Variants in IQSEC1 observed in about 807,000 individuals in gnomAD.
IQSEC1 encodes the protein IQ motif and SEC7 domain-containing protein 1.
IQSEC1 carries 31 observed loss-of-function variants against 91.0 expected under a neutral mutation model. The ratio of observed to expected loss-of-function variants is 0.34; its 90% CI spans 0.26 to 0.46. The LOEUF (loss-of-function observed/expected upper bound fraction) is 0.46, where lower values mean the gene tolerates loss of function less well. IQSEC1 is among the 20% of genes least tolerant of loss of function. The pLI is 1.00. For missense variants in IQSEC1, 1,388 were observed against 1,575.6 expected (o/e 0.88, Z 2.02); for synonymous variants, 699 against 662.6 (o/e 1.05, Z -0.84).
chr3:12,966,813 A>G (rs1700601713), intron 1 of IQSEC1, among the ~76,000 whole-genome samples: 1 of 152,184 alleles, frequency 6.6e-6, no homozygotes, highest in Admixed American at 6.5e-5. Context: ...CTGTTTGTTC[A>G]GGGTCATCCA....
intron 1 of IQSEC1, among the ~76,000 whole-genome samples, chr3:13,194,333 G>A (rs572471619): frequency 8.5e-5 from 13 of 152,242 alleles, no homozygotes; most frequent in East Asian, 1.9e-4. Flanking sequence ...GTTTATTCCC[G>A]TGTTTCTTGA....
At chr3:13,269,130 G>A (rs982594822) in intron 1 of IQSEC1, among the ~76,000 whole-genome samples, 6 of 152,190 alleles carry the variant, frequency 3.9e-5, no homozygotes, top group African/African-American at 1.2e-4. Context: ...GCAGTGCAGG[G>A]GGTTGGGGTA....
chr3:13,131,165 C>T (rs1300267401), intron 2 of IQSEC1, among the ~76,000 whole-genome samples: 2 of 152,126 alleles, frequency 1.3e-5, no homozygotes, highest in Admixed American at 1.3e-4. Flanking sequence ...TGTGTTCTAA[C>T]TTTAGGACTG....
intron 1 of IQSEC1, among the ~76,000 whole-genome samples, chr3:12,964,849 A>T (rs899610851): frequency 2.6e-5 from 4 of 152,208 alleles, no homozygotes; most frequent in Admixed American, 2.0e-4. Flanking sequence ...GCACACACAC[A>T]TATACTGAGC....
At chr3:13,052,381 C>A (rs1704722822) in intron 1 of IQSEC1, among the ~76,000 whole-genome samples, 1 of 152,256 alleles carries the variant, frequency 6.6e-6, no homozygotes, top group Non-Finnish European at 1.5e-5. Flanking sequence ...GGAGGGTCCG[C>A]TCTGCCTCTC....
intron 1 of IQSEC1, among the ~76,000 whole-genome samples, chr3:12,971,647 T>G (rs1224058207): frequency 1.3e-5 from 2 of 152,228 alleles, no homozygotes; most frequent in African/African-American, 4.8e-5. Flanking sequence ...TGTATAATCA[T>G]AGATTACTTC....
At chr3:13,111,760 C>T (rs190433858) in intron 2 of IQSEC1, among the ~76,000 whole-genome samples, 26 of 152,254 alleles carry the variant, frequency 1.7e-4, no homozygotes, top group East Asian at 1.5e-3. Context: ...GAGGACACAG[C>T]GAGAAGGCAG....
rs1311328953 is a variant in IQSEC1, at chr3:13,026,871, T to G, written c.23+46121A>C. Among the ~76,000 whole-genome samples, 6 of 51,698 alleles carry G rather than the reference T, an allele frequency of 1.2e-4. 1 individual carries two copies. The highest frequency in any genetic ancestry group is 2.6e-4 in the African/African-American group (6 of 22,872). 33.9% of individuals were successfully genotyped at this position (51,698 alleles called of 152,430 possible). A position where few individuals can be genotyped will look rare whatever the true frequency, so the allele number is the denominator to read the frequency against. On this transcript the variant is annotated intron_variant, in intron 1 of 13. Transcript: ENST00000613206. ...GCAGTTATTATCTCCCCAGTTTTTT[T>G]TTTTTTTGTTTGTTTTTTTTTTTAC...
intron 1 of IQSEC1, among the ~76,000 whole-genome samples, chr3:12,950,306 GC>G (rs1699456662): frequency 6.6e-6 from 1 of 152,174 alleles, no homozygotes; most frequent in African/African-American, 2.4e-5. Context: ...AGTTAGCCTG[GC>G]CCCAAGGAGC....
rs764036530 is a variant in IQSEC1, at chr3:12,983,055, G to A, written c.24-41190C>T. 9.2e-5 allele frequency among the ~76,000 whole-genome samples: 14 copies of A among 152,176 alleles called. No individual in the cohort carries two copies. Among genetic ancestry groups the A allele is most frequent in the Non-Finnish European group, 1.8e-4 (12 of 68,026 alleles). ...GCTTGTGCGTGGGATGGAGGGTGAG[G>A]AGTGCTATTGCTCACTGGGGGCTCC... On this transcript the variant is annotated intron_variant, in intron 1 of 13. Transcript: ENST00000613206. The surrounding 1 kb of genome is among the most constrained non-coding windows in gnomAD (Gnocchi z 4.3).
intron 1 of IQSEC1, among the ~76,000 whole-genome samples, chr3:13,257,383 C>T (rs1022229425): frequency 6.6e-6 from 1 of 152,238 alleles, no homozygotes; most frequent in Non-Finnish European, 1.5e-5. Flanking sequence ...TCTCAGCCCA[C>T]ACTGAACCCC....
intron 1 of IQSEC1, among the ~76,000 whole-genome samples, chr3:12,993,071 G>GC (rs1304040576): frequency 1.3e-5 from 2 of 152,134 alleles, no homozygotes; most frequent in Non-Finnish European, 2.9e-5. Context: ...TCCAACAACA[G>GC]CCCCCATTAC....
chr3:13,233,565 G>C (rs929271712), intron 1 of IQSEC1, among the ~76,000 whole-genome samples: 1 of 152,174 alleles, frequency 6.6e-6, no homozygotes, highest in East Asian at 1.9e-4. Context: ...AGCCTCAAGG[G>C]GTTGGTCCCG....
At chr3:12,952,554 G>A (rs1301233364) in intron 1 of IQSEC1, among the ~76,000 whole-genome samples, 1 of 152,058 alleles carries the variant, frequency 6.6e-6, no homozygotes, top group African/African-American at 2.4e-5. Context: ...CTGAGGTCCT[G>A]TGAAAACACA....
chr3:12,999,454 A>G (rs1012593880), intron 1 of IQSEC1, among the ~76,000 whole-genome samples: 1 of 152,124 alleles, frequency 6.6e-6, no homozygotes, highest in Non-Finnish European at 1.5e-5. Context: ...CTCTTAGTTC[A>G]TATTTCCTCT....
intron 1 of IQSEC1, among the ~76,000 whole-genome samples, chr3:13,223,358 C>T (rs930781379): frequency 6.6e-6 from 1 of 152,188 alleles, no homozygotes; most frequent in Non-Finnish European, 1.5e-5. Flanking sequence ...GGGAGGTCCC[C>T]GGGTCTCTGC....
At chr3:12,962,053 A>C (rs1018911345) in intron 1 of IQSEC1, among the ~76,000 whole-genome samples, 2 of 152,222 alleles carry the variant, frequency 1.3e-5, no homozygotes, top group Admixed American at 1.3e-4. Context: ...CAGATGTGGA[A>C]ACTGAGGCCC....
In IQSEC1 at chr3:12,967,470, G is replaced by T. The variant is rs1376876531; in HGVS notation, c.24-25605C>A. The T allele has an allele frequency of 2.0e-6, 3 of 1,504,948 alleles. No homozygotes were observed. Among genetic ancestry groups the T allele is most frequent in the Admixed American group, 4.2e-5 (2 of 47,886 alleles). The allele number at this position is 1,504,948 out of a possible 1,614,324, so 93.2% of individuals were successfully genotyped here. A position where few individuals can be genotyped will look rare whatever the true frequency, so the allele number is the denominator to read the frequency against. On this transcript the variant is annotated intron_variant, in intron 1 of 13. Coordinates refer to ENST00000613206, the MANE Select transcript of IQSEC1 (RefSeq NM_001134382.3). This position sits in a 1 kb window ranked among gnomAD's most constrained non-coding sequence, Gnocchi z 5.9. ...ACCACATGGCGGCCGCAGTGGGAGC[G>T]GGCCGGGCCGGGAGCCGGGACCCAG...
At chr3:13,169,719 C>T (rs1350368706) in intron 1 of IQSEC1, among the ~76,000 whole-genome samples, 1 of 152,190 alleles carries the variant, frequency 6.6e-6, no homozygotes, top group East Asian at 1.9e-4. Context: ...AAGAGACTGG[C>T]AGCATTTTGC....
Sources: allele counts gnomAD v4.1 joint callset (sites outside exome capture counted in the v4.1 genomes callset), GRCh38; gene constraint gnomAD v4.1.1; non-coding constraint Gnocchi (gnomAD v3.1); transcripts MANE v1.5; gene names NCBI Gene and HGNC (gene_info 2026-07-23, HGNC 2026-07-21).